Variants in RSF1 observed in about 807,000 individuals in gnomAD.
RSF1 encodes the protein HBV pX-associated protein 8.
A neutral mutation model predicts 145.2 loss-of-function variants in RSF1; 13 were observed. That is an observed-to-expected ratio of 0.09 (90% CI 0.06 to 0.14). The LOEUF (loss-of-function observed/expected upper bound fraction) is 0.14. Ranked by LOEUF, RSF1 falls within the 10% of genes least tolerant of loss-of-function variation. RSF1 has a pLI of 1.00. For missense variants in RSF1, 1,517 were observed against 1,718.2 expected (o/e 0.88, Z 2.07); for synonymous variants, 577 against 592.6 (o/e 0.97, Z 0.38).
chr11:77,823,107 C>A (rs975018733), upstream of RSF1, among the ~76,000 whole-genome samples: 1 of 144,922 alleles, frequency 6.9e-6, no homozygotes, highest in Non-Finnish European at 1.5e-5. Context: ...GACAGCTACT[C>A]GGGAGGCTGA....
At position 77,693,606 on chromosome 11, in the gene RSF1, A is replaced by G. The variant is rs1357384449; in HGVS notation, c.2721T>C (p.Leu907=). Reference sequence around the variant, plus strand: ...ATCCACTATCGCAAGAGTCACACAGAAGAATCTGAAATAACCACACTGATG... The same window carrying G: ...ATCCACTATCGCAAGAGTCACACAGGAGAATCTGAAATAACCACACTGATG... The part of the protein sequence containing the change: ...CGLPNHPELI[L]LCDSCDSGYH... The change falls in exon 8 of 16, where the codon CTT becomes CTC. Residue 907 remains leucine (L), a synonymous_variant. Transcript: ENST00000308488. The G allele has an allele frequency of 1.2e-6, 2 of 1,611,150 alleles. No individual in the cohort carries two copies. The highest frequency in any genetic ancestry group is 2.2e-5 in the South Asian group (2 of 90,808).
chr11:77,746,645 G>A (rs1948005210), intron 3 of RSF1, among the ~76,000 whole-genome samples: 1 of 152,140 alleles, frequency 6.6e-6, no homozygotes, highest in African/African-American at 2.4e-5. Context: ...AGTTGGTTTG[G>A]TTATGTGAGG....
At chr11:77,788,142 CA>C (rs66595170) in intron 1 of RSF1, among the ~76,000 whole-genome samples, 7 of 3,432 alleles carry the variant, frequency 2.0e-3, no homozygotes, top group Admixed American at 0.015. Flanking sequence ...GACACTATCT[CA>C]AAAAAAAAAA....
intron 1 of RSF1, among the ~76,000 whole-genome samples, chr11:77,802,741 CCATGTTGG>C (rs1266934276): frequency 1.3e-3 from 191 of 152,168 alleles, no homozygotes; most frequent in African/African-American, 4.3e-3. Context: ...CAGGGTTTCA[CCATGTTGG>C]CATGTTGGCC....
chr11:77,752,430 G>A (rs941910568), intron 2 of RSF1, among the ~76,000 whole-genome samples: 2 of 152,158 alleles, frequency 1.3e-5, no homozygotes, highest in African/African-American at 4.8e-5. Flanking sequence ...GCTCCTATGC[G>A]AACGGCACAC....
At chr11:77,842,620 G>A in the RSF1 span, 5 of 1,613,790 alleles carry the variant, frequency 3.1e-6, no homozygotes, top group South Asian at 5.5e-5. Context: ...GAGAGAAACA[G>A]GAACTGAGGT....
chr11:77,813,382 T>G (rs186154299), intron 1 of RSF1: 1 of 1,073,222 alleles, frequency 9.3e-7, no homozygotes. Context: ...AGCAATCTGC[T>G]TAACAATCTC....
rs759276849 is a variant in RSF1 at position 77,683,750 on chromosome 11, C to T, written c.3025G>A (p.Glu1009Lys). Residue 1009 changes from glutamate (E) to lysine (K), a missense_variant, in exon 11 of 16, where the codon GAA becomes AAA. By Grantham distance (56) the Glu-to-Lys change is moderately conservative. Coordinates refer to ENST00000308488, the MANE Select transcript of RSF1 (RefSeq NM_016578.4). The part of the protein sequence containing the change: ...DSKKSKANLL[E>K]RRSTRTRKCI... ...TTCCTTGTTCTTGTTGACCTCCTTT[C>T]AAGCAAGTTTGCTTTGGATTTTTTT... is the stretch of plus-strand genomic sequence containing the variant. 1.9e-6 allele frequency: 3 copies of T among 1,613,388 alleles called. No homozygotes were observed. The highest frequency in any genetic ancestry group is 1.7e-5 in the Admixed American group (1 of 60,018).
intron 5 of RSF1, among the ~76,000 whole-genome samples, chr11:77,714,887 G>A (rs913491448): frequency 5.3e-5 from 8 of 152,060 alleles, no homozygotes; most frequent in African/African-American, 1.9e-4. Flanking sequence ...GCTTTAGAAG[G>A]TTGAGGTGGG....
At chr11:77,717,215 A>T (rs931619307) in intron 5 of RSF1, among the ~76,000 whole-genome samples, 2 of 151,824 alleles carry the variant, frequency 1.3e-5, no homozygotes, top group Non-Finnish European at 2.9e-5. Flanking sequence ...AATCTAGAAT[A>T]AAAAAATAAT....
Position 77,675,062 on chromosome 11 carries a change from T to C in RSF1, c.3536A>G (p.Glu1179Gly). The part of the protein sequence containing the change: ...KKYSDDDEEE[E>G]SEENSRDSES... The stretch of plus-strand genomic sequence containing the variant: ...AGAGTCTCTACTATTCTCCTCAGAT[T>C]CCTCCTCTTCATCATCATCGGAATA... Residue 1179 changes from glutamate (E) to glycine (G), a missense_variant, in exon 14 of 16, where the codon GAA becomes GGA. This residue lies in a region of RSF1 where 231 missense variants were observed against 276.6 expected (regional missense o/e 0.84). Coordinates refer to ENST00000308488, the MANE Select transcript of RSF1 (RefSeq NM_016578.4). The C allele has an allele frequency of 6.2e-7, 1 of 1,613,198 alleles. No individual in the cohort carries two copies. Among genetic ancestry groups the C allele is most frequent in the Non-Finnish European group, 8.5e-7 (1 of 1,179,698 alleles).
the RSF1 span, among the ~76,000 whole-genome samples, chr11:77,827,709 C>G: frequency 6.6e-6 from 1 of 152,130 alleles, no homozygotes; most frequent in Non-Finnish European, 1.5e-5. Flanking sequence ...AGGTCAGGAA[C>G]AAGACAAGGA....
chr11:77,828,685 A>T, the RSF1 span, among the ~76,000 whole-genome samples: 1 of 152,046 alleles, frequency 6.6e-6, no homozygotes, highest in African/African-American at 2.4e-5. Flanking sequence ...AAAAAAAAAA[A>T]AGAAAGAAAA....
intron 1 of RSF1, among the ~76,000 whole-genome samples, chr11:77,772,848 G>GAAA (rs1161762028): frequency 4.6e-4 from 39 of 85,162 alleles, no homozygotes; most frequent in African/African-American, 1.4e-3. Flanking sequence ...GCCCAAGATG[G>GAAA]AAAAAAAAAA....
At chr11:77,872,093 A>C in the RSF1 span, 2 of 1,437,560 alleles carry the variant, frequency 1.4e-6, no homozygotes, top group South Asian at 1.4e-5. Context: ...CTAATTCTGT[A>C]GAGTACACCT....
chr11:77,676,869 G>C lies in RSF1; in HGVS notation c.3264C>G (p.Arg1088=). The C allele has an allele frequency of 6.2e-7, 1 of 1,613,992 alleles. No homozygotes were observed. Among genetic ancestry groups the C allele is most frequent in the Admixed American group, 1.7e-5 (1 of 59,968 alleles). The stretch of plus-strand genomic sequence containing the variant: ...CACTGTCCAGATCATTTAATCGCCG[G>C]CGTTTCTTCCTTCGAGCAGCAGCTG... The part of the protein sequence containing the change: ...QRAAAARRKK[R]RRLNDLDSDS... Residue 1088 remains arginine (R), a synonymous_variant, in exon 13 of 16, where the codon CGC becomes CGG. Coordinates refer to ENST00000308488, the MANE Select transcript of RSF1 (RefSeq NM_016578.4).
In RSF1 at chr11:77,683,789, T is replaced by C. The variant is rs776538181; in HGVS notation, c.2986A>G (p.Lys996Glu). The change falls in exon 11 of 16, where the codon AAG (lysine) becomes GAG (glutamate). Residue 996 changes from lysine to glutamate, a missense_variant. Physicochemically the swap from Lys to Glu is moderately conservative, Grantham distance 56 (BLOSUM62 1). Transcript: ENST00000308488. ...EPDFSEDQEE[K>E]KKDSKKSKAN... is the part of the protein sequence containing the mutation. Reference sequence around the variant, plus strand: ...TTGGATTTTTTTGAATCTTTTTTCTTTTCTTCTTGATCTTCAGAAAAGTCT... The same window carrying C: ...TTGGATTTTTTTGAATCTTTTTTCTCTTCTTCTTGATCTTCAGAAAAGTCT... 1.2e-6 allele frequency: 2 copies of C among 1,612,672 alleles called. No individual in the cohort carries two copies. Among genetic ancestry groups the C allele is most frequent in the Non-Finnish European group, 1.7e-6 (2 of 1,179,840 alleles).
the RSF1 span, among the ~76,000 whole-genome samples, chr11:77,837,372 G>A: frequency 1.3e-5 from 2 of 150,246 alleles, no homozygotes; most frequent in Non-Finnish European, 3.0e-5. Context: ...TCCTGACCTC[G>A]TGATCCGCCT....
chr11:77,791,424 C>G (rs4945214), intron 1 of RSF1, among the ~76,000 whole-genome samples: 14,589 of 152,192 alleles, frequency 0.096, 1,046 homozygotes, highest in Admixed American at 0.18. Context: ...GACATTTTCC[C>G]CATTGTCTTG....
Sources: gnomAD v4.1 joint callset for allele counts (sites outside exome capture counted in the v4.1 genomes callset) on GRCh38, gnomAD v4.1.1 for gene constraint, gnomAD v4.1.1 regional missense constraint, MANE v1.5 for transcripts, NCBI Gene and HGNC (gene_info 2026-07-23, HGNC 2026-07-21) for gene names.